The following FRMD3 variants were observed in gnomAD, a reference collection of about 807,000 sequenced individuals.
FRMD3 encodes the protein FERM domain containing 3.
A neutral mutation model predicts 70.2 loss-of-function variants in FRMD3; 33 were observed. The observed-to-expected ratio is 0.47, with a 90% CI of 0.36 to 0.63. The LOEUF (loss-of-function observed/expected upper bound fraction) is 0.63. FRMD3 is among the 20% of genes least tolerant of loss of function. The pLI is 0.00. For missense variants in FRMD3, 632 were observed against 711.4 expected (o/e 0.89, Z 1.27); for synonymous variants, 279 against 255.9 (o/e 1.09, Z -0.86).
chr9:83,535,805 G>T (rs934826057), intron 1 of FRMD3, among the ~76,000 whole-genome samples: 1 of 152,150 alleles, frequency 6.6e-6, no homozygotes, highest in African/African-American at 2.4e-5. Flanking sequence ...TATGGAGAGA[G>T]GGTGACATTC....
At chr9:83,464,533 G>A (rs553596295) in intron 1 of FRMD3, among the ~76,000 whole-genome samples, 3 of 152,274 alleles carry the variant, frequency 2.0e-5, no homozygotes, top group Non-Finnish European at 2.9e-5. Flanking sequence ...CACTTCCTGA[G>A]GAGGGAAGAT....
chr9:83,574,388 T>G, the FRMD3 span, among the ~76,000 whole-genome samples: 487 of 152,364 alleles, frequency 3.2e-3, 3 homozygotes, highest in African/African-American at 0.011. Context: ...ATTTTACTCT[T>G]TTTATTAGAG....
intron 1 of FRMD3, among the ~76,000 whole-genome samples, chr9:83,475,547 C>T (rs1828376225): frequency 6.6e-6 from 1 of 151,996 alleles, no homozygotes. Context: ...ATGAAGCAGG[C>T]TAGACACAGT....
intron 6 of FRMD3, among the ~76,000 whole-genome samples, chr9:83,325,592 A>C (rs2131104385): frequency 6.6e-6 from 1 of 152,266 alleles, no homozygotes; most frequent in East Asian, 1.9e-4. Context: ...CCCAAAGTGC[A>C]AAGATTACAG....
At chr9:83,538,404 GC>G (rs1279696598), upstream of FRMD3, 4 of 454,170 alleles carry the variant, frequency 8.8e-6, no homozygotes, top group Non-Finnish European at 1.4e-5. This position sits in a 1 kb window ranked among gnomAD's most constrained non-coding sequence, Gnocchi z 4.7. Flanking sequence ...GGCGCGGCGG[GC>G]GGGTCCCTCC....
intron 10 of FRMD3, among the ~76,000 whole-genome samples, chr9:83,304,298 C>T (rs922219821): frequency 6.6e-6 from 1 of 152,154 alleles, no homozygotes; most frequent in African/African-American, 2.4e-5. Context: ...TTTAAAAGCT[C>T]CTCCAGGTGA....
At chr9:83,243,092 C>A (rs1831937859), downstream of FRMD3, 15 of 1,042,358 alleles carry the variant, frequency 1.4e-5, no homozygotes, top group Non-Finnish European at 2.0e-5. Context: ...GGCTGCCGAG[C>A]CCACTGGGTG....
intron 1 of FRMD3, among the ~76,000 whole-genome samples, chr9:83,447,733 T>C (rs1002704785): frequency 2.0e-5 from 3 of 152,044 alleles, no homozygotes; most frequent in Non-Finnish European, 4.4e-5. Flanking sequence ...AATCCAGCAA[T>C]AGATTTTCCA....
intron 3 of FRMD3, among the ~76,000 whole-genome samples, chr9:83,360,160 A>G (rs1190836034): frequency 6.6e-6 from 1 of 152,226 alleles, no homozygotes; most frequent in African/African-American, 2.4e-5. Flanking sequence ...CCAAAAGGTT[A>G]GCAAGAACAC....
the FRMD3 span, among the ~76,000 whole-genome samples, chr9:83,552,172 T>C: frequency 6.6e-6 from 1 of 152,242 alleles, no homozygotes; most frequent in Non-Finnish European, 1.5e-5. Flanking sequence ...GTATGTTATA[T>C]CTTTGTTCTC....
At chr9:83,493,580 G>A (rs907561816) in intron 1 of FRMD3, among the ~76,000 whole-genome samples, 1 of 152,224 alleles carries the variant, frequency 6.6e-6, no homozygotes, top group Non-Finnish European at 1.5e-5. Flanking sequence ...ACATAGTTAA[G>A]CAGTTGATAG....
chr9:83,350,722 G>A, intron 3 of FRMD3: 6 of 979,010 alleles, frequency 6.1e-6, no homozygotes, highest in Non-Finnish European at 7.3e-6. Context: ...TCCCTGAAGG[G>A]AAAATCCTAT....
chr9:83,444,471 T>C (rs1163276320), intron 1 of FRMD3, among the ~76,000 whole-genome samples: 1 of 152,216 alleles, frequency 6.6e-6, no homozygotes, highest in Admixed American at 6.5e-5. Context: ...CCAGGCAAAA[T>C]AGAAAGCATG....
chr9:83,438,413 T>TTTTTTTTTG (rs1554705418), intron 1 of FRMD3, among the ~76,000 whole-genome samples: 5 of 151,128 alleles, frequency 3.3e-5, no homozygotes, highest in Non-Finnish European at 5.9e-5. Context: ...GAGAGTTTTT[T>TTTTTTTTTG]TTTTGTTTTG....
At chr9:83,384,379 A>T (rs1825451658) in intron 2 of FRMD3, among the ~76,000 whole-genome samples, 1 of 152,154 alleles carries the variant, frequency 6.6e-6, no homozygotes, top group Non-Finnish European at 1.5e-5. Flanking sequence ...CTGGTGGGAC[A>T]TAATGCTGTC....
chr9:83,506,630 G>A (rs1445942322), intron 1 of FRMD3, among the ~76,000 whole-genome samples: 1 of 152,186 alleles, frequency 6.6e-6, no homozygotes, highest in African/African-American at 2.4e-5. Context: ...GTGACTGGGT[G>A]TGAAGGCCTA....
At chr9:83,541,115 G>C (rs1482663230), upstream of FRMD3, among the ~76,000 whole-genome samples, 1 of 152,150 alleles carries the variant, frequency 6.6e-6, no homozygotes, top group East Asian at 1.9e-4. Context: ...CAGTTACCTT[G>C]GAAAGGGAAG....
intron 1 of FRMD3, among the ~76,000 whole-genome samples, chr9:83,415,623 T>A (rs200619156): frequency 4.2e-5 from 6 of 144,278 alleles, no homozygotes; most frequent in East Asian, 2.2e-4. Context: ...TCTTTTTTTT[T>A]TTTTTTTTTT....
intron 4 of FRMD3, among the ~76,000 whole-genome samples, chr9:83,346,646 T>C (rs1050415340): frequency 1.3e-5 from 2 of 152,228 alleles, no homozygotes; most frequent in African/African-American, 4.8e-5. Context: ...TCTGTGCACA[T>C]ACTAAACTGT....
Sources: allele counts gnomAD v4.1 joint callset (sites outside exome capture counted in the v4.1 genomes callset), GRCh38; gene constraint gnomAD v4.1.1; non-coding constraint Gnocchi (gnomAD v3.1); transcripts MANE v1.5; gene names NCBI Gene and HGNC (gene_info 2026-07-23, HGNC 2026-07-21).